PDIA4: variants seen among roughly 807,000 people sequenced by gnomAD.
PDIA4 encodes protein disulfide isomerase family A member 4, also known as protein disulfide-isomerase A4.
PDIA4 carries 33 observed loss-of-function variants against 62.1 expected under a neutral mutation model. That is an observed-to-expected ratio of 0.53 (90% CI 0.40 to 0.71). The LOEUF (loss-of-function observed/expected upper bound fraction) is 0.71, where lower values mean the gene tolerates loss of function less well. Among genes scored for constraint, PDIA4 ranks in the 30% least tolerant of loss-of-function variants. PDIA4 has a pLI of 0.00. For missense variants in PDIA4, 804 were observed against 813.6 expected (o/e 0.99, Z 0.14); for synonymous variants, 341 against 324.1 (o/e 1.05, Z -0.56).
chr7:149,023,625 T>C (rs1824432325), intron 1 of PDIA4, among the ~76,000 whole-genome samples: 1 of 151,782 alleles, frequency 6.6e-6, no homozygotes, highest in African/African-American at 2.4e-5. Context: ...GATGGGAAGA[T>C]TGGAGGAAGG....
chr7:149,010,180 A>C (rs1339306246), intron 6 of PDIA4, among the ~76,000 whole-genome samples: 2 of 152,076 alleles, frequency 1.3e-5, no homozygotes, highest in Middle Eastern at 6.3e-3. Flanking sequence ...CTTCTCTGTA[A>C]AACAGAGGCA....
rs760287088 is a variant in PDIA4, at chr7:149,003,963, A to T, written c.1769T>A (p.Val590Asp). The T allele has an allele frequency of 3.7e-6, 6 of 1,613,070 alleles. No homozygotes were observed. Among genetic ancestry groups the T allele is most frequent in the Non-Finnish European group, 5.1e-6 (6 of 1,179,240 alleles). The change falls in exon 10 of 10, where the codon GTC becomes GAC. Residue 590 changes from valine (V) to aspartate (D), a missense_variant. By Grantham distance (152) the Val-to-Asp change is radical. Coordinates refer to ENST00000652332, the MANE Select transcript of PDIA4 (RefSeq NM_004911.5). ...CTCCACCTTATAGCGGTCGCTGGGG[A>T]CGTCGTTGGCAGTGGCGTCCATCTT... is the stretch of plus-strand genomic sequence containing the variant. ...IAKMDATANDVPSDRYKVEGF... is the reference protein window; with the variant it reads ...IAKMDATANDDPSDRYKVEGF...
intron 4 of PDIA4, 83 bp from the exon 5 acceptor site, chr7:149,012,443 T>G (rs1295235614): frequency 8.3e-7 from 1 of 1,200,826 alleles, no homozygotes; most frequent in East Asian, 2.5e-5. Context: ...AAACCCATCC[T>G]GTGCTCCCTA....
intron 6 of PDIA4, among the ~76,000 whole-genome samples, chr7:149,008,608 CG>C (rs1243495754): frequency 6.6e-6 from 1 of 151,680 alleles, no homozygotes; most frequent in Non-Finnish European, 1.5e-5. Flanking sequence ...GAGGCTGAGG[CG>C]CAAGAATTGC....
chr7:149,026,552 GAGAA>G (rs920305093), intron 1 of PDIA4, among the ~76,000 whole-genome samples: 1 of 152,164 alleles, frequency 6.6e-6, no homozygotes, highest in Admixed American at 6.5e-5. Flanking sequence ...TAGGGAGGTG[GAGAA>G]AGGAGAATCA....
At chr7:149,006,530 G>A (rs535051900) in intron 7 of PDIA4, among the ~76,000 whole-genome samples, 128 of 152,356 alleles carry the variant, frequency 8.4e-4, no homozygotes, top group Non-Finnish European at 1.1e-3. Context: ...CCAAGGCTGC[G>A]CAGCCAGCAA....
chr7:149,018,389 C>A (rs948941351), intron 3 of PDIA4, among the ~76,000 whole-genome samples: 6 of 152,134 alleles, frequency 3.9e-5, no homozygotes, highest in Non-Finnish European at 5.9e-5. Context: ...GTGCTCTAGA[C>A]CACCACCAAG....
intron 5 of PDIA4, 48 bp downstream of exon 5, chr7:149,012,107 G>C: frequency 6.2e-7 from 1 of 1,610,860 alleles, no homozygotes; most frequent in African/African-American, 1.3e-5. Context: ...CTTCCTGTTA[G>C]GGAGTTTCCC....
intron 1 of PDIA4, chr7:149,027,979 G>A (rs1024807689): frequency 7.6e-6 from 4 of 527,338 alleles, no homozygotes; most frequent in Middle Eastern, 2.9e-4. Context: ...AGTTAGCCTG[G>A]ACCTGACGAA....
At chr7:149,011,758 G>A in intron 6 of PDIA4, 88 bp downstream of exon 6, 3 of 1,090,610 alleles carry the variant, frequency 2.8e-6, no homozygotes, top group Non-Finnish European at 3.9e-6. Flanking sequence ...CCCCCTAATG[G>A]ATGTCCCAGG....
chr7:149,004,302 G>A (rs1199578712), intron 9 of PDIA4, 93 bp from the exon 10 acceptor site: 1 of 1,243,474 alleles, frequency 8.0e-7, no homozygotes, highest in Non-Finnish European at 1.1e-6. Context: ...AGGTTGGTGT[G>A]GCCACCAGAC....
rs376526899 is a variant in PDIA4, at chr7:149,014,982, G to A, written c.536C>T (p.Thr179Met). The A allele has an allele frequency of 2.9e-5, 46 of 1,613,984 alleles. No homozygotes were observed. The highest frequency in any genetic ancestry group is 5.0e-5 in the Admixed American group (3 of 60,002). The change falls in exon 4 of 10, where the codon ACG (threonine) becomes ATG (methionine). Residue 179 changes from threonine (T) to methionine (M), a missense_variant. Physicochemically the swap from Thr to Met is moderately conservative, Grantham distance 81. Coordinates refer to ENST00000652332, the MANE Select transcript of PDIA4 (RefSeq NM_004911.5). ...QPDWTPPPEV[T>M]LVLTKENFDE... is the part of the protein sequence containing the mutation. ...AAAGTTCTCTTTGGTCAACACAAGC[G>A]TGACTTCTGGTGGAGGCGTCCAGTC...
intron 1 of PDIA4, among the ~76,000 whole-genome samples, chr7:149,025,957 G>A (rs1213995018): frequency 6.6e-6 from 1 of 152,058 alleles, no homozygotes; most frequent in East Asian, 1.9e-4. Context: ...TCTGAGACAC[G>A]GAAAGCCCTG....
intron 1 of PDIA4, among the ~76,000 whole-genome samples, chr7:149,024,902 A>C (rs1563124922): frequency 1.3e-5 from 2 of 149,758 alleles, no homozygotes. Context: ...AGGCAAGCGG[A>C]TCTCCTGAGG....
At chr7:149,016,192 G>A (rs962187480) in intron 3 of PDIA4, among the ~76,000 whole-genome samples, 1 of 152,198 alleles carries the variant, frequency 6.6e-6, no homozygotes, top group African/African-American at 2.4e-5. Context: ...CTACTCGGGA[G>A]GCTGAGGCAG....
chr7:149,013,821 C>A (rs772704294), intron 4 of PDIA4, among the ~76,000 whole-genome samples: 2 of 152,222 alleles, frequency 1.3e-5, no homozygotes, highest in Non-Finnish European at 2.9e-5. Context: ...TCGCACTACA[C>A]TCGCTGAGCG....
intron 4 of PDIA4, 142 bp downstream of exon 4, chr7:149,014,762 A>G: frequency 2.8e-6 from 2 of 710,108 alleles, no homozygotes; most frequent in Middle Eastern, 5.2e-4. Flanking sequence ...CTTCTTCCAG[A>G]AGACCTGGAG....
chr7:149,022,701 C>T lies in PDIA4; in HGVS notation c.89-1554G>A, dbSNP rs183110992. ...CACCAACCCTGATGAAGGAACCCCG[C>T]GTGGACTCTGTGGCTGCCTAGCCAC... On this transcript the variant is annotated intron_variant, in intron 1 of 9. Coordinates refer to ENST00000652332, the MANE Select transcript of PDIA4 (RefSeq NM_004911.5). 5.1e-3 allele frequency among the ~76,000 whole-genome samples: 780 copies of T among 152,242 alleles called. 3 individuals are homozygous for T. The highest frequency in any genetic ancestry group is 0.016 in the South Asian group (77 of 4,824).
At chr7:149,020,073 G>A (rs1185153040) in intron 2 of PDIA4, among the ~76,000 whole-genome samples, 2 of 152,144 alleles carry the variant, frequency 1.3e-5, no homozygotes, top group African/African-American at 2.4e-5. Context: ...CAATTCTCCT[G>A]CCTCAGCCTC....
Sources: allele counts gnomAD v4.1 joint callset (sites outside exome capture counted in the v4.1 genomes callset), GRCh38; gene constraint gnomAD v4.1.1; transcripts MANE v1.5; gene names NCBI Gene and HGNC (gene_info 2026-07-23, HGNC 2026-07-21).